The following PPP2R5C variants were observed in gnomAD, a reference collection of about 807,000 sequenced individuals.
PPP2R5C encodes the protein protein phosphatase 2 regulatory subunit B'gamma, also known as serine/threonine-protein phosphatase 2A 56 kDa regulatory subunit gamma isoform.
PPP2R5C carries 7 observed loss-of-function variants against 68.9 expected under a neutral mutation model. The ratio of observed to expected loss-of-function variants is 0.10; its 90% CI spans 0.06 to 0.19. The LOEUF is 0.19. PPP2R5C is among the 10% of genes least tolerant of loss of function. PPP2R5C has a pLI of 1.00. For missense variants in PPP2R5C, 348 were observed against 641.3 expected, an observed-to-expected ratio of 0.54 and a Z score of 4.94; for synonymous variants, 210 against 222.2, an observed-to-expected ratio of 0.95 and a Z score of 0.49.
chr14:101,908,442 T>C (rs2720200), intron 10 of PPP2R5C, among the ~76,000 whole-genome samples: 48,262 of 152,046 alleles, frequency 0.32, 10,511 homozygotes, highest in African/African-American at 0.63. Flanking sequence ...GGCACCATCC[T>C]GGCTCACTGC....
intron 8 of PPP2R5C, among the ~76,000 whole-genome samples, chr14:101,898,662 C>T (rs2141009915): frequency 6.6e-6 from 1 of 152,252 alleles, no homozygotes; most frequent in East Asian, 1.9e-4. Context: ...GAGGTGCAAA[C>T]CCCACCAACC....
chr14:101,896,471 C>T (rs568919406), intron 8 of PPP2R5C, among the ~76,000 whole-genome samples: 35 of 151,836 alleles, frequency 2.3e-4, no homozygotes, highest in African/African-American at 4.4e-4. Flanking sequence ...CGGTGGCTCA[C>T]GCCTGTAGTC....
At chr14:101,925,319 A>T (rs2047242359) in exon 14 of PPP2R5C, 1 of 1,604,360 alleles carries the variant, frequency 6.2e-7, no homozygotes. Flanking sequence ...TCTTTTCCGG[A>T]TTCTGTAGAA....
chr14:101,880,936 A>T (rs1013893253), intron 2 of PPP2R5C, among the ~76,000 whole-genome samples: 1 of 152,152 alleles, frequency 6.6e-6, no homozygotes, highest in Admixed American at 6.5e-5. Flanking sequence ...GTAGAGTCAG[A>T]TTTTAATCTT....
intron 9 of PPP2R5C, among the ~76,000 whole-genome samples, chr14:101,903,774 C>T (rs2045859430): frequency 6.6e-6 from 1 of 151,480 alleles, no homozygotes; most frequent in African/African-American, 2.4e-5. Context: ...CTTCCAGGTT[C>T]AAGTGATTCT....
intron 2 of PPP2R5C, among the ~76,000 whole-genome samples, chr14:101,872,219 CTT>C (rs386382344): frequency 5.5e-5 from 5 of 91,180 alleles, no homozygotes; most frequent in Admixed American, 1.3e-4. Flanking sequence ...TTTCTTTTGC[CTT>C]TTTTTTTTTT....
intron 11 of PPP2R5C, among the ~76,000 whole-genome samples, chr14:101,911,863 G>A (rs1408700468): frequency 2.0e-5 from 3 of 149,922 alleles, no homozygotes; most frequent in South Asian, 2.1e-4. Context: ...CAGTCTGGGC[G>A]ACAGAGTGAG....
rs548451412 is a variant in PPP2R5C at position 101,777,072 on chromosome 14, G to A, written c.94-8946G>A. 3.4e-3 allele frequency among the ~76,000 whole-genome samples: 519 copies of A among 151,852 alleles called. 1 individual carries two copies. Among genetic ancestry groups the A allele is most frequent in the Admixed American group, 6.4e-3 (98 of 15,256 alleles). On this transcript the variant is annotated intron_variant, in intron 2 of 14. Transcript: ENST00000328724. ...ATTTTTGTATTTTTAGTAGAGACAG[G>A]GTTTCACCATGTTGGCCAGGATGGT...
intron 2 of PPP2R5C, among the ~76,000 whole-genome samples, chr14:101,778,561 T>C (rs2140011690): frequency 6.6e-6 from 1 of 152,336 alleles, no homozygotes; most frequent in South Asian, 2.1e-4. Flanking sequence ...TTGTGATTCA[T>C]GTTGAAATCG....
chr14:101,788,509 G>T (rs553924407), intron 3 of PPP2R5C, among the ~76,000 whole-genome samples: 125 of 152,214 alleles, frequency 8.2e-4, no homozygotes, highest in African/African-American at 2.8e-3. Context: ...TTCTACATCT[G>T]TTCTACATCT....
intron 3 of PPP2R5C, among the ~76,000 whole-genome samples, chr14:101,787,999 A>G (rs1162827466): frequency 6.6e-6 from 1 of 152,184 alleles, no homozygotes; most frequent in Admixed American, 6.5e-5. Flanking sequence ...AGAATTACAC[A>G]AAACCAAGCC....
intron 13 of PPP2R5C, chr14:101,922,135 G>A (rs2047039575): frequency 1.0e-6 from 1 of 985,420 alleles, no homozygotes. Flanking sequence ...TGGACATGAA[G>A]TATTTTCCCT....
chr14:101,831,535 C>T (rs1034421529), intron 1 of PPP2R5C, among the ~76,000 whole-genome samples: 8 of 152,194 alleles, frequency 5.3e-5, no homozygotes, highest in Non-Finnish European at 1.0e-4. Context: ...ATTGCAGATG[C>T]ATAAAGGAAG....
intron 8 of PPP2R5C, among the ~76,000 whole-genome samples, chr14:101,900,049 G>A (rs115298551): frequency 0.01 from 1,570 of 151,926 alleles, 27 homozygotes; most frequent in African/African-American, 0.036. Flanking sequence ...ACCACACCAG[G>A]CTAATTTTTA....
intron 2 of PPP2R5C, among the ~76,000 whole-genome samples, chr14:101,870,837 T>C (rs1413117069): frequency 1.3e-5 from 2 of 152,228 alleles, no homozygotes; most frequent in African/African-American, 4.8e-5. Context: ...TATAAATATC[T>C]TCTTAGACTC....
intron 8 of PPP2R5C, among the ~76,000 whole-genome samples, chr14:101,894,779 AT>A (rs2045195959): frequency 6.6e-6 from 1 of 152,180 alleles, no homozygotes; most frequent in Middle Eastern, 3.2e-3. Flanking sequence ...ATGTAATGAG[AT>A]TGCCACCTTG....
In PPP2R5C at chr14:101,906,936, C is replaced by G. The variant is rs2046062739; in HGVS notation, c.1151+407C>G. On this transcript the variant is annotated intron_variant, in intron 10 of 13. Coordinates refer to ENST00000334743, the Ensembl canonical transcript of PPP2R5C. This position sits in a 1 kb window ranked among gnomAD's most constrained non-coding sequence, Gnocchi z 4.0. ...CCTGGATGAGCCCCTGTGTGAGACC[C>G]AAGAACCACCCCACAGTGGTCACTA... 6.6e-6 allele frequency among the ~76,000 whole-genome samples: 1 copy of G among 152,180 alleles called. No homozygotes were observed. Among genetic ancestry groups the G allele is most frequent in the African/African-American group, 2.4e-5 (1 of 41,442 alleles).
At chr14:101,892,044 C>G (rs2044966771) in intron 6 of PPP2R5C, among the ~76,000 whole-genome samples, 1 of 152,142 alleles carries the variant, frequency 6.6e-6, no homozygotes, top group Non-Finnish European at 1.5e-5. Context: ...GCAAACTCTG[C>G]CTCCCAGGTT....
At chr14:101,878,578 T>C (rs1294907525) in intron 2 of PPP2R5C, among the ~76,000 whole-genome samples, 1 of 152,044 alleles carries the variant, frequency 6.6e-6, no homozygotes, top group East Asian at 1.9e-4. Context: ...GAGACAGAGA[T>C]TGAGATCTCA....
Sources: gnomAD v4.1 joint callset for allele counts (sites outside exome capture counted in the v4.1 genomes callset) on GRCh38, gnomAD v4.1.1 for gene constraint, Gnocchi (gnomAD v3.1) non-coding constraint, MANE v1.5 for transcripts, NCBI Gene and HGNC (gene_info 2026-07-23, HGNC 2026-07-21) for gene names.